The following TAOK1 variants were observed in gnomAD, a reference collection of about 807,000 sequenced individuals.
TAOK1 encodes the protein serine/threonine-protein kinase TAO1.
A neutral mutation model predicts 138.3 loss-of-function variants in TAOK1; 21 were observed. That is an observed-to-expected ratio of 0.15 (90% CI 0.11 to 0.22). The LOEUF (loss-of-function observed/expected upper bound fraction) is 0.22, where lower values mean the gene tolerates loss of function less well. Among genes scored for constraint, TAOK1 ranks in the 10% least tolerant of loss-of-function variants. The pLI, the probability that TAOK1 is intolerant of heterozygous loss-of-function variation, is 1.00. For synonymous variants in TAOK1, 361 were observed against 398.4 expected, an observed-to-expected ratio of 0.91 and a Z score of 1.12; for missense variants, 651 against 1,227.7, an observed-to-expected ratio of 0.53 and a Z score of 7.02.
Position 29,475,653 on chromosome 17 carries a change from C to A in TAOK1, c.205-17C>A. 1.3e-6 allele frequency: 2 copies of A among 1,543,706 alleles called. No individual in the cohort carries two copies. Among genetic ancestry groups the A allele is most frequent in the Admixed American group, 1.8e-5 (1 of 55,928 alleles). On this transcript the variant is annotated splice_polypyrimidine_tract_variant and intron_variant, in intron 3 of 19. Coordinates refer to ENST00000261716, the MANE Select transcript of TAOK1 (RefSeq NM_020791.4). ...AAAAGTCCTGTTCATAATTCTTTAC[C>A]TTTTTTCTCCCCACAGAAATGGCAG...
In TAOK1 at chr17:29,498,594, A is replaced by G. The variant is rs2031455959; in HGVS notation, c.1203+73A>G. On this transcript the variant is annotated intron_variant, in intron 12 of 19. Transcript: ENST00000261716. ...TTTCTTCATCTGTTAGTTTAAGAGA[A>G]GGAAGAAGGAAGATAAGGAAGTTTC... 3.3e-6 allele frequency: 5 copies of G among 1,531,596 alleles called. No individual in the cohort carries two copies. The South Asian group carries it at 5.7e-5, about 18-fold the overall frequency. 94.9% of individuals were successfully genotyped at this position (1,531,596 alleles called of 1,614,324 possible). A position where few individuals can be genotyped will look rare whatever the true frequency, so the allele number is the denominator to read the frequency against.
At chr17:29,518,941 A>G (rs1280981218) in intron 16 of TAOK1, among the ~76,000 whole-genome samples, 2 of 151,732 alleles carry the variant, frequency 1.3e-5, no homozygotes, top group Non-Finnish European at 2.9e-5. Context: ...TAATTTTTGT[A>G]TTTTTAGTAG....
chr17:29,518,422 T>C lies in TAOK1; in HGVS notation c.1908+766T>C, dbSNP rs184636601. On this transcript the variant is annotated intron_variant, in intron 16 of 19. Transcript: ENST00000261716. ...ATTGCCTGAGCCCAGGAGGTTGAGG[T>C]TGCAGTGAGCCATGATCATGCCACT... Among the ~76,000 whole-genome samples, 71 of 152,232 alleles carry C rather than the reference T, an allele frequency of 4.7e-4. No homozygotes were observed. In the East Asian group the frequency reaches 0.012, roughly 26 times the overall value.
chr17:29,550,513 C>T lies in TAOK1; in HGVS notation c.*7491C>T, dbSNP rs1490771878. ...TTTTAGTATATGAAAAAGCCTAATG[C>T]GCATTAATGAGGTTGAAGAGACTAT... On this transcript the variant is annotated 3_prime_UTR_variant, in exon 20 of 20. Transcript: ENST00000261716. 1 of 152,156 alleles carries T rather than the reference C, an allele frequency of 6.6e-6. No individual in the cohort carries two copies. Among genetic ancestry groups the T allele is most frequent in the South Asian group, 2.1e-4 (1 of 4,830 alleles). 9.4% of individuals were successfully genotyped at this position (152,156 alleles called of 1,614,324 possible).
At chr17:29,508,755 G>T (rs1159092504) in intron 14 of TAOK1, among the ~76,000 whole-genome samples, 1 of 152,158 alleles carries the variant, frequency 6.6e-6, no homozygotes, top group East Asian at 1.9e-4. Context: ...AGTTATGAAA[G>T]ATTCAGATTC....
intron 11 of TAOK1, among the ~76,000 whole-genome samples, chr17:29,497,874 A>G (rs760291477): frequency 2.0e-5 from 3 of 152,072 alleles, no homozygotes; most frequent in Non-Finnish European, 4.4e-5. Flanking sequence ...CTTATGGAGC[A>G]GGGCTACGCC....
chr17:29,430,368 G>C (rs1905786292), intron 1 of TAOK1, among the ~76,000 whole-genome samples: 2 of 152,160 alleles, frequency 1.3e-5, no homozygotes, highest in African/African-American at 4.8e-5. Context: ...ATTGGTTGGG[G>C]AAAGCAGCCC....
At chr17:29,511,412 T>C (rs2031717781) in intron 15 of TAOK1, 2 of 152,378 alleles carry the variant, frequency 1.3e-5, no homozygotes, top group African/African-American at 4.8e-5. Context: ...ATTTGGTATT[T>C]TTTTTAGTAG....
At chr17:29,399,950 T>G (rs1904786892) in intron 1 of TAOK1, among the ~76,000 whole-genome samples, 1 of 152,118 alleles carries the variant, frequency 6.6e-6, no homozygotes, top group Non-Finnish European at 1.5e-5. Context: ...CAGGTTGGTC[T>G]TGATCTTCTG....
intron 8 of TAOK1, among the ~76,000 whole-genome samples, chr17:29,487,283 G>A (rs1052568858): frequency 2.0e-5 from 3 of 147,014 alleles, no homozygotes; most frequent in African/African-American, 7.7e-5. Flanking sequence ...AAAGTATTAA[G>A]GATAATGAGA....
intron 2 of TAOK1, among the ~76,000 whole-genome samples, chr17:29,452,921 G>C (rs545270236): frequency 8.0e-4 from 122 of 151,904 alleles, no homozygotes; most frequent in Non-Finnish European, 1.6e-3. Context: ...TTTGACTATT[G>C]TGAATGATGC....
chr17:29,469,920 A>G (rs1168600695), intron 3 of TAOK1, among the ~76,000 whole-genome samples: 1 of 152,192 alleles, frequency 6.6e-6, no homozygotes, highest in Non-Finnish European at 1.5e-5. Flanking sequence ...TCCACATTTT[A>G]CACAAAACAC....
At chr17:29,441,962 CT>C (rs1226062588) in intron 1 of TAOK1, among the ~76,000 whole-genome samples, 2 of 150,752 alleles carry the variant, frequency 1.3e-5, no homozygotes, top group African/African-American at 4.9e-5. Context: ...TCTTTTTGTT[CT>C]TTTCTGTCTG....
At chr17:29,478,656 A>G (rs2030994877) in intron 6 of TAOK1, among the ~76,000 whole-genome samples, 2 of 152,300 alleles carry the variant, frequency 1.3e-5, no homozygotes, top group South Asian at 4.1e-4. Context: ...AGAATCATAC[A>G]GTTTTTCTTT....
intron 3 of TAOK1, among the ~76,000 whole-genome samples, chr17:29,473,075 T>C (rs1007272297): frequency 6.6e-6 from 1 of 152,230 alleles, no homozygotes; most frequent in Admixed American, 6.5e-5. Flanking sequence ...ATCTCAACCG[T>C]GGCCTTAAAA....
At chr17:29,419,623 C>G (rs1315278841) in intron 1 of TAOK1, among the ~76,000 whole-genome samples, 1 of 151,462 alleles carries the variant, frequency 6.6e-6, no homozygotes, top group African/African-American at 2.4e-5. Flanking sequence ...TCCTAAATAG[C>G]TGGGACCACA....
intron 1 of TAOK1, among the ~76,000 whole-genome samples, chr17:29,436,774 A>T (rs955010871): frequency 6.6e-6 from 1 of 152,218 alleles, no homozygotes; most frequent in African/African-American, 2.4e-5. Flanking sequence ...ACTAAGATAT[A>T]ACCTAAAGAA....
At position 29,510,950 on chromosome 17, in the gene TAOK1, C is replaced by A; in HGVS notation, c.1662C>A (p.Ser554=). ...AAGAACTGAATAGTTTTCTCGAGTC[C>A]CAGAAAAGAGAGTATAAACTTCGAA... ...QKKELNSFLE[S]QKREYKLRKE... is the part of the protein sequence containing the mutation. The change falls in exon 15 of 20, where the codon TCC becomes TCA. Residue 554 remains serine, a synonymous_variant. Coordinates refer to ENST00000261716, the MANE Select transcript of TAOK1 (RefSeq NM_020791.4). The A allele has an allele frequency of 6.2e-7, 1 of 1,608,824 alleles. No individual in the cohort carries two copies.
At position 29,550,989 on chromosome 17, in the gene TAOK1, A is replaced by G. The variant is rs530077859; in HGVS notation, c.*7967A>G. 22 of 145,618 alleles carry G rather than the reference A, an allele frequency of 1.5e-4. No individual in the cohort carries two copies. The highest frequency in any genetic ancestry group is 7.9e-4 in the Admixed American group (11 of 13,972). 9.0% of individuals were successfully genotyped at this position (145,618 alleles called of 1,614,324 possible). A position where few individuals can be genotyped will look rare whatever the true frequency, so the allele number is the denominator to read the frequency against. On this transcript the variant is annotated 3_prime_UTR_variant, in exon 20 of 20. Transcript: ENST00000261716. ...CCTAAAAAAAGAAAATGCTTCAGTC[A>G]ATTGCTTTTTTATTTAAAAAAAAAA...
Sources: gnomAD v4.1 joint callset for allele counts (sites outside exome capture counted in the v4.1 genomes callset) on GRCh38, gnomAD v4.1.1 for gene constraint, MANE v1.5 for transcripts, NCBI Gene and HGNC (gene_info 2026-07-23, HGNC 2026-07-21) for gene names.